Variants in STK32B observed in about 807,000 individuals in gnomAD.
The protein encoded by STK32B is serine/threonine-protein kinase 32B.
In STK32B, 43 loss-of-function variants were observed where a neutral mutation model predicts 52.6. That is an observed-to-expected ratio of 0.82 (90% CI 0.64 to 1.05). The LOEUF is 1.05. STK32B is among the 50% of genes least tolerant of loss of function. STK32B has a pLI of 0.00. For missense variants in STK32B, 621 were observed against 534.6 expected, an observed-to-expected ratio of 1.16 and a Z score of -1.59; for synonymous variants, 238 against 204.3, an observed-to-expected ratio of 1.17 and a Z score of -1.41.
chr4:5,206,743 G>C (rs1276230378), intron 3 of STK32B, among the ~76,000 whole-genome samples: 1 of 152,170 alleles, frequency 6.6e-6, no homozygotes, highest in Non-Finnish European at 1.5e-5. Context: ...GCATCTGCCA[G>C]AACCATTCTG....
At position 5,417,803 on chromosome 4, in the gene STK32B, T is replaced by G. The variant is rs59461354; in HGVS notation, c.562+869T>G. On this transcript the variant is annotated intron_variant, in intron 6 of 11. Transcript: ENST00000282908. ...ATCACAACGTTATTTCTCACAATTC[T>G]TTTGGTTGACCAAGTGGTTTTTCCT... is the stretch of plus-strand genomic sequence containing the variant. Among the ~76,000 whole-genome samples, 504 of 152,356 alleles carry G rather than the reference T, an allele frequency of 3.3e-3. 3 individuals are homozygous for G. The highest frequency in any genetic ancestry group is 0.011 in the African/African-American group (469 of 41,584).
At chr4:5,239,942 G>T (rs944398046) in intron 3 of STK32B, among the ~76,000 whole-genome samples, 1 of 151,818 alleles carries the variant, frequency 6.6e-6, no homozygotes, top group African/African-American at 2.4e-5. Flanking sequence ...TGCATCCTCC[G>T]CAAGGTTAAC....
intron 3 of STK32B, among the ~76,000 whole-genome samples, chr4:5,292,715 C>T (rs1327787783): frequency 1.3e-5 from 2 of 151,928 alleles, no homozygotes; most frequent in African/African-American, 4.8e-5. Context: ...TAGTGATAAA[C>T]TTTTGCCTAG....
At chr4:5,295,710 CA>C (rs1429175590) in intron 3 of STK32B, among the ~76,000 whole-genome samples, 1 of 151,914 alleles carries the variant, frequency 6.6e-6, no homozygotes, top group African/African-American at 2.4e-5. Flanking sequence ...TTAATCTTTT[CA>C]AAAAACCAGC....
intron 6 of STK32B, among the ~76,000 whole-genome samples, chr4:5,428,481 A>C (rs1343362653): frequency 6.6e-6 from 1 of 152,188 alleles, no homozygotes. Flanking sequence ...TCTTTCATTG[A>C]TGTTCAGTTT....
chr4:5,351,432 C>T (rs566541784), intron 4 of STK32B, among the ~76,000 whole-genome samples: 2 of 152,040 alleles, frequency 1.3e-5, no homozygotes, highest in Non-Finnish European at 2.9e-5. Flanking sequence ...CCAAGACACA[C>T]ATGCCAAAAC....
intron 5 of STK32B, among the ~76,000 whole-genome samples, chr4:5,414,595 T>G (rs1207798707): frequency 6.6e-6 from 1 of 152,202 alleles, no homozygotes; most frequent in Non-Finnish European, 1.5e-5. Context: ...CACTCCATGA[T>G]ACATGGCTAA....
At position 5,380,682 on chromosome 4, in the gene STK32B, C is replaced by T. The variant is rs958244036; in HGVS notation, c.435-17525C>T. On this transcript the variant is annotated intron_variant, in intron 4 of 11. Transcript: ENST00000282908. The surrounding 1 kb of genome is among the most constrained non-coding windows in gnomAD (Gnocchi z 4.3). ...GAGGGTCCGTGTTTGATTTAATGCC[C>T]GGTACTTGCCATCGTGAAATCCTTA... is the stretch of plus-strand genomic sequence containing the variant. Among the ~76,000 whole-genome samples, 2 of 152,166 alleles carry T rather than the reference C, an allele frequency of 1.3e-5. No individual in the cohort carries two copies. The highest frequency in any genetic ancestry group is 4.8e-5 in the African/African-American group (2 of 41,426).
chr4:5,265,981 A>G (rs1727031591), intron 3 of STK32B, among the ~76,000 whole-genome samples: 1 of 152,218 alleles, frequency 6.6e-6, no homozygotes, highest in African/African-American at 2.4e-5. Flanking sequence ...GCATCTTTGT[A>G]CATAAAAATT....
intron 1 of STK32B, among the ~76,000 whole-genome samples, chr4:5,055,263 ATT>A (rs36123548): frequency 4.3e-3 from 596 of 139,876 alleles, no homozygotes; most frequent in Non-Finnish European, 4.5e-3. Context: ...CTAATTTTTA[ATT>A]TTTTTTTTTT....
intron 3 of STK32B, among the ~76,000 whole-genome samples, chr4:5,183,810 T>C (rs192547664): frequency 6.2e-4 from 95 of 152,308 alleles, no homozygotes; most frequent in Non-Finnish European, 1.1e-3. Context: ...ACAGCTTTTT[T>C]CCCCTTTAAA....
intron 3 of STK32B, among the ~76,000 whole-genome samples, chr4:5,328,462 A>G (rs1577353891): frequency 6.6e-6 from 1 of 152,152 alleles, no homozygotes; most frequent in Non-Finnish European, 1.5e-5. Flanking sequence ...TAATTTCAAT[A>G]TTGTTATGCC....
chr4:5,162,855 A>G, intron 2 of STK32B, among the ~76,000 whole-genome samples: 1 of 152,216 alleles, frequency 6.6e-6, no homozygotes, highest in African/African-American at 2.4e-5. Context: ...GCTGTTGGTG[A>G]CAAGTGTTCA....
At chr4:5,321,311 C>T (rs954882981) in intron 3 of STK32B, among the ~76,000 whole-genome samples, 4 of 152,192 alleles carry the variant, frequency 2.6e-5, no homozygotes, top group African/African-American at 9.6e-5. Context: ...ACATAGGAAG[C>T]ACTTAGCATA....
At chr4:5,288,725 CAA>C (rs1728702077) in intron 3 of STK32B, among the ~76,000 whole-genome samples, 1 of 152,098 alleles carries the variant, frequency 6.6e-6, no homozygotes, top group Non-Finnish European at 1.5e-5. Context: ...CTTTGGAACA[CAA>C]AAGTTTTTAA....
chr4:5,349,031 C>T (rs1314787019), intron 4 of STK32B, among the ~76,000 whole-genome samples: 6 of 152,152 alleles, frequency 3.9e-5, no homozygotes, highest in Non-Finnish European at 8.8e-5. Flanking sequence ...GCATGGACTG[C>T]TTGGGTTCCA....
intron 1 of STK32B, among the ~76,000 whole-genome samples, chr4:5,073,326 C>G (rs1268254769): frequency 6.6e-6 from 1 of 151,898 alleles, no homozygotes; most frequent in African/African-American, 2.4e-5. Context: ...TAGGGATTTA[C>G]AATATACATC....
intron 2 of STK32B, among the ~76,000 whole-genome samples, chr4:5,160,094 C>T (rs1183742624): frequency 6.6e-6 from 1 of 152,150 alleles, no homozygotes; most frequent in African/African-American, 2.4e-5. Flanking sequence ...CCCGCACAGA[C>T]ACATTCAGAA....
At chr4:5,105,647 T>A (rs1003127964) in intron 1 of STK32B, among the ~76,000 whole-genome samples, 1 of 151,912 alleles carries the variant, frequency 6.6e-6, no homozygotes, top group Non-Finnish European at 1.5e-5. Flanking sequence ...CACTGCAAGC[T>A]CCGCCTCCCG....
Sources: allele counts gnomAD v4.1 joint callset (sites outside exome capture counted in the v4.1 genomes callset), GRCh38; gene constraint gnomAD v4.1.1; non-coding constraint Gnocchi (gnomAD v3.1); transcripts MANE v1.5; gene names NCBI Gene and HGNC (gene_info 2026-07-23, HGNC 2026-07-21).